ASAP2: variants seen among roughly 807,000 people sequenced by gnomAD.
The protein encoded by ASAP2 is ArfGAP with SH3 domain, ankyrin repeat and PH domain 2.
A neutral mutation model predicts 131.4 loss-of-function variants in ASAP2; 45 were observed. The observed-to-expected ratio is 0.34, with a 90% CI of 0.27 to 0.44. ASAP2 has a LOEUF of 0.44. Among genes scored for constraint, ASAP2 ranks in the 20% least tolerant of loss-of-function variants. ASAP2 has a pLI of 1.00. For synonymous variants in ASAP2, 510 were observed against 503.0 expected (o/e 1.01, Z -0.19); for missense variants, 1,011 against 1,297.0 (o/e 0.78, Z 3.39).
intron 1 of ASAP2, among the ~76,000 whole-genome samples, chr2:9,224,504 A>G (rs967782641): frequency 2.0e-5 from 3 of 152,204 alleles, no homozygotes; most frequent in African/African-American, 7.2e-5. Flanking sequence ...ATGCCTGGAA[A>G]TAAATCCATT....
intron 1 of ASAP2, among the ~76,000 whole-genome samples, chr2:9,242,628 C>T (rs1558259954): frequency 6.6e-6 from 1 of 152,178 alleles, no homozygotes; most frequent in African/African-American, 2.4e-5. Flanking sequence ...GCGGGATCAC[C>T]TTTCAAAGGA....
chr2:9,262,335 C>G (rs746897454), intron 1 of ASAP2, among the ~76,000 whole-genome samples: 1 of 152,106 alleles, frequency 6.6e-6, no homozygotes, highest in Non-Finnish European at 1.5e-5. Context: ...TCTTAACGGC[C>G]ACTTTAATTG....
chr2:9,290,606 C>T (rs1042177808), intron 2 of ASAP2, among the ~76,000 whole-genome samples: 4 of 152,184 alleles, frequency 2.6e-5, no homozygotes, highest in Admixed American at 6.5e-5. Context: ...TTATTCCTTA[C>T]GTTGTTATTA....
At chr2:9,344,232 C>T (rs11676283) in intron 9 of ASAP2, among the ~76,000 whole-genome samples, 144,470 of 152,196 alleles carry the variant, frequency 0.95, 69,019 homozygotes, top group East Asian at 1. Context: ...CCTCATGTCA[C>T]TGTCAGGGGG....
In ASAP2 at chr2:9,312,339, A is replaced by G. The variant is rs184421461; in HGVS notation, c.346-6185A>G. ...AATGAAACCAGAATCCCCCTCATTG[A>G]CCTGGCACCAGGCTTCTCTCTCTCC... On this transcript the variant is annotated intron_variant, in intron 3 of 27. Transcript: ENST00000281419. 1.7e-3 allele frequency among the ~76,000 whole-genome samples: 257 copies of G among 152,270 alleles called. 1 individual carries two copies. Among genetic ancestry groups the G allele is most frequent in the African/African-American group, 5.2e-3 (216 of 41,554 alleles).
At chr2:9,248,994 C>T (rs1558264920) in intron 1 of ASAP2, among the ~76,000 whole-genome samples, 1 of 152,168 alleles carries the variant, frequency 6.6e-6, no homozygotes, top group Non-Finnish European at 1.5e-5. Context: ...CCTCCCAACC[C>T]GAATACATAG....
At chr2:9,319,781 A>T (rs1670037417) in intron 4 of ASAP2, among the ~76,000 whole-genome samples, 1 of 152,206 alleles carries the variant, frequency 6.6e-6, no homozygotes, top group African/African-American at 2.4e-5. Context: ...GCTTTACCAG[A>T]GTGTATGAAG....
intron 15 of ASAP2, among the ~76,000 whole-genome samples, chr2:9,366,595 T>C (rs1349898184): frequency 6.6e-6 from 1 of 152,214 alleles, no homozygotes; most frequent in Non-Finnish European, 1.5e-5. Flanking sequence ...TTAAGTGGTG[T>C]GCCACCTGAC....
chr2:9,269,662 G>A (rs1417423600), intron 1 of ASAP2, among the ~76,000 whole-genome samples: 1 of 152,260 alleles, frequency 6.6e-6, no homozygotes, highest in African/African-American at 2.4e-5. Context: ...CGGAGGAAGA[G>A]AAGCATGGGG....
chr2:9,382,979 A>C (rs576472970), intron 20 of ASAP2, among the ~76,000 whole-genome samples: 23 of 152,250 alleles, frequency 1.5e-4, no homozygotes, highest in African/African-American at 5.5e-4. Context: ...AAAGGCTCAG[A>C]GGTTAGGGTT....
intron 4 of ASAP2, among the ~76,000 whole-genome samples, chr2:9,319,403 G>T (rs1477727784): frequency 6.6e-6 from 1 of 152,240 alleles, no homozygotes; most frequent in Non-Finnish European, 1.5e-5. Context: ...CACAGAGTGT[G>T]CCCGGAGAGA....
At chr2:9,397,747 T>G (rs1676268366) in intron 24 of ASAP2, among the ~76,000 whole-genome samples, 1 of 82,570 alleles carries the variant, frequency 1.2e-5, no homozygotes, top group African/African-American at 9.6e-5. Context: ...TATATATATA[T>G]ATATTTTTTT....
intron 2 of ASAP2, among the ~76,000 whole-genome samples, chr2:9,289,374 T>A (rs1207325535): frequency 1.3e-5 from 2 of 152,226 alleles, no homozygotes; most frequent in Non-Finnish European, 2.9e-5. Flanking sequence ...GTTTGATGAA[T>A]CTTTGTGTTC....
intron 1 of ASAP2, among the ~76,000 whole-genome samples, chr2:9,272,949 AG>A (rs1482256454): frequency 6.6e-6 from 1 of 152,144 alleles, no homozygotes; most frequent in Non-Finnish European, 1.5e-5. Flanking sequence ...TGGCTACTAT[AG>A]CTCTATAGTA....
chr2:9,368,480 C>A lies in ASAP2; in HGVS notation c.1517C>A (p.Pro506Gln), dbSNP rs1205546289. The change falls in exon 16 of 28, where the codon CCA becomes CAA. Residue 506 changes from proline (P) to glutamine (Q), a missense_variant. Around this residue, in one of 2 missense-constraint regions of ASAP2, gnomAD observed 652 missense variants for 698.9 expected, o/e 0.93. Transcript: ENST00000281419. ...AATGAGATCATGGAATGTTGCCTACCAGCTGAGGACTCAGTCAAACCCAAC... is the reference window on the plus strand; with the variant it reads ...AATGAGATCATGGAATGTTGCCTACAAGCTGAGGACTCAGTCAAACCCAAC... ...GFNEIMECCL[P>Q]AEDSVKPNPG... 1 of 1,613,992 alleles carries A rather than the reference C, an allele frequency of 6.2e-7. No individual in the cohort carries two copies. Among genetic ancestry groups the A allele is most frequent in the Admixed American group, 1.7e-5 (1 of 60,004 alleles).
chr2:9,249,393 G>A (rs1664557881), intron 1 of ASAP2, among the ~76,000 whole-genome samples: 1 of 152,190 alleles, frequency 6.6e-6, no homozygotes, highest in South Asian at 2.1e-4. Flanking sequence ...TCTGATGATT[G>A]TAGTGTCTAA....
rs113004487 is a variant in ASAP2 at position 9,354,375 on chromosome 2, C to T, written c.1112-1672C>T. On this transcript the variant is annotated intron_variant, in intron 12 of 27. Coordinates refer to ENST00000281419, the MANE Select transcript of ASAP2 (RefSeq NM_003887.3). ...CACGGCTGAAGCTCTGGAAGCCGTC[C>T]GCTTATTTGTAGCATCTTTAAAGAG... 6.7e-3 allele frequency among the ~76,000 whole-genome samples: 1,013 copies of T among 152,322 alleles called. 11 individuals carry two copies. The highest frequency in any genetic ancestry group is 0.023 in the African/African-American group (960 of 41,586).
intron 17 of ASAP2, among the ~76,000 whole-genome samples, chr2:9,375,308 G>C (rs1674316137): frequency 6.6e-6 from 1 of 152,006 alleles, no homozygotes; most frequent in East Asian, 1.9e-4. Flanking sequence ...CTGGGGCACT[G>C]TGGCAGGTCT....
chr2:9,399,064 A>G (rs1412808995), intron 24 of ASAP2: 4 of 152,236 alleles, frequency 2.6e-5, no homozygotes, highest in Admixed American at 6.5e-5. Flanking sequence ...GGAATAAAAC[A>G]AAGTTCCTTT....
Sources: allele counts gnomAD v4.1 joint callset (sites outside exome capture counted in the v4.1 genomes callset), GRCh38; gene constraint gnomAD v4.1.1; regional missense constraint gnomAD v4.1.1; transcripts MANE v1.5; gene names NCBI Gene and HGNC (gene_info 2026-07-23, HGNC 2026-07-21).